The following ENPP4 variants were observed in gnomAD, a reference collection of about 807,000 sequenced individuals.
ENPP4 encodes bis(5'-adenosyl)-triphosphatase ENPP4.
ENPP4 carries 18 observed loss-of-function variants against 33.4 expected under a neutral mutation model. The observed-to-expected ratio is 0.54, with a 90% confidence interval of 0.37 to 0.80. ENPP4 has a LOEUF of 0.80. ENPP4 is among the 30% of genes least tolerant of loss of function. The pLI, the probability that ENPP4 is intolerant of heterozygous loss-of-function variation, is 0.00. For missense variants in ENPP4, 480 were observed against 541.7 expected (o/e 0.89, Z 1.13); for synonymous variants, 172 against 189.9 (o/e 0.91, Z 0.78).
intron 1 of ENPP4, among the ~76,000 whole-genome samples, chr6:46,130,777 A>G (rs1763883163): frequency 6.6e-6 from 1 of 152,222 alleles, no homozygotes; most frequent in African/African-American, 2.4e-5. Flanking sequence ...ATGAGATCAT[A>G]GCATTCCCAT....
rs770457961 is a variant in ENPP4, at chr6:46,145,711, A to G, written c.*2071A>G. On this transcript the variant is annotated 3_prime_UTR_variant, in exon 4 of 4. Transcript: ENST00000321037. ...GGATTTTATATAGGATGGAACAGGA[A>G]GGTATGTCCTGTCAGTATCTTAACC... 1.1e-4 allele frequency: 16 copies of G among 151,984 alleles called. No homozygotes were observed. Among genetic ancestry groups the G allele is most frequent in the Admixed American group, 5.3e-4 (8 of 15,218 alleles). The allele number at this position is 151,984 out of a possible 1,614,324, so 9.4% of individuals were successfully genotyped here.
chr6:46,132,002 G>GTTGT (rs1554170565), intron 1 of ENPP4, among the ~76,000 whole-genome samples: 5 of 150,250 alleles, frequency 3.3e-5, no homozygotes, highest in East Asian at 1.9e-4. Flanking sequence ...TTTTGATGGG[G>GTTGT]TTGTTTTTTT....
chr6:46,140,225 C>T lies in ENPP4; in HGVS notation c.642C>T (p.Ile214=), dbSNP rs138819051. 25 of 1,612,442 alleles carry T rather than the reference C, an allele frequency of 1.6e-5. No homozygotes were observed. The highest frequency in any genetic ancestry group is 6.7e-5 in the Admixed American group (4 of 59,798). ...SRVLKKIDDL[I]GDLVQRLKML... is the part of the protein sequence containing the mutation. ...TGTTGAAAAAAATAGATGATCTTAT[C>T]GGTGACTTAGTCCAAAGACTCAAGA... The change falls in exon 2 of 4, where the codon ATC becomes ATT. Residue 214 remains isoleucine (I), a synonymous_variant. Coordinates refer to ENST00000321037, the MANE Select transcript of ENPP4 (RefSeq NM_014936.5).
In ENPP4 at chr6:46,145,813, A is replaced by G. The variant is rs1461101071; in HGVS notation, c.*2173A>G. 2.6e-5 allele frequency: 4 copies of G among 151,886 alleles called. No homozygotes were observed. The highest frequency in any genetic ancestry group is 2.6e-4 in the Admixed American group (4 of 15,204). 9.4% of individuals were successfully genotyped at this position (151,886 alleles called of 1,614,324 possible). ...AACTCGAATTGTAAATTAAGCAAAA[A>G]TTTAAAAAGTATATGTTGATGGGAC... On this transcript the variant is annotated 3_prime_UTR_variant, in exon 4 of 4. Coordinates refer to ENST00000321037, the MANE Select transcript of ENPP4 (RefSeq NM_014936.5).
chr6:46,143,283 C>A lies in ENPP4; in HGVS notation c.1005C>A (p.Asp335Glu). ...TGTTTTGTTCTTTTTCAGTAGGTGACCATGGTTATGATAATTCTTTGCCTA... is the reference window on the plus strand; with the variant it reads ...TGTTTTGTTCTTTTTCAGTAGGTGAACATGGTTATGATAATTCTTTGCCTA... ...VLNESSQKLG[D>E]HGYDNSLPSM... The change falls in exon 4 of 4, where the codon GAC (aspartate) becomes GAA (glutamate). Residue 335 changes from aspartate (D) to glutamate (E), a missense_variant. Physicochemically the swap from Asp to Glu is conservative, Grantham distance 45. This residue lies in a region of ENPP4 where 249 missense variants were observed against 251.8 expected (regional missense o/e 0.99). Transcript: ENST00000321037. 2 of 1,572,682 alleles carry A rather than the reference C, an allele frequency of 1.3e-6. No individual in the cohort carries two copies. Among genetic ancestry groups the A allele is most frequent in the South Asian group, 1.2e-5 (1 of 85,146 alleles).
intron 1 of ENPP4, among the ~76,000 whole-genome samples, chr6:46,131,158 T>A (rs1036160408): frequency 1.3e-5 from 2 of 151,826 alleles, no homozygotes; most frequent in East Asian, 1.9e-4. Context: ...TTTATTTATT[T>A]ATTAATTATT....
At chr6:46,141,510 A>G (rs1764062306) in intron 3 of ENPP4, among the ~76,000 whole-genome samples, 4 of 151,668 alleles carry the variant, frequency 2.6e-5, no homozygotes, top group Admixed American at 6.6e-5. Context: ...TTTATACAAA[A>G]TAGAGAAGTA....
At chr6:46,132,016 G>A (rs1306751259) in intron 1 of ENPP4, among the ~76,000 whole-genome samples, 2 of 151,988 alleles carry the variant, frequency 1.3e-5, no homozygotes, top group East Asian at 3.9e-4. Context: ...TTTTTTTCTT[G>A]TAAATTTGTT....
chr6:46,142,323 ATATAT>A (rs928374363), intron 3 of ENPP4, among the ~76,000 whole-genome samples: 1 of 54,956 alleles, frequency 1.8e-5, no homozygotes, highest in African/African-American at 5.7e-5. Context: ...TCTATATTAT[ATATAT>A]TATATGTAAT....
intron 3 of ENPP4, 41 bp from the exon 4 acceptor site, chr6:46,143,235 A>T: frequency 6.6e-7 from 1 of 1,516,612 alleles, no homozygotes; most frequent in Non-Finnish European, 8.8e-7. Context: ...TGTCCTAAAA[A>T]GTCTGATCTT....
intron 1 of ENPP4, among the ~76,000 whole-genome samples, chr6:46,137,941 A>G (rs2127492359): frequency 6.6e-6 from 1 of 151,870 alleles, no homozygotes; most frequent in East Asian, 1.9e-4. Context: ...TTTGAAAGAA[A>G]GAGAGAAAGT....
At chr6:46,138,762 GT>G (rs1408267031) in intron 1 of ENPP4, among the ~76,000 whole-genome samples, 1 of 151,888 alleles carries the variant, frequency 6.6e-6, no homozygotes, top group Non-Finnish European at 1.5e-5. Flanking sequence ...GGGAAAAGCT[GT>G]TTTTGTCATC....
rs1335988820 is a variant in ENPP4, at chr6:46,145,866, CAT to C, written c.*2231_*2232del. ...GAAGAATAGTATTTATTTAATAAAA[CAT>C]ATATTATATTGAACTATGTGTTAAT... On this transcript the variant is annotated 3_prime_UTR_variant, in exon 4 of 4. Coordinates refer to ENST00000321037, the MANE Select transcript of ENPP4 (RefSeq NM_014936.5). 2.6e-5 allele frequency: 4 copies of C among 151,924 alleles called. No homozygotes were observed. The highest frequency in any genetic ancestry group is 7.2e-5 in the African/African-American group (3 of 41,510). 9.4% of individuals were successfully genotyped at this position (151,924 alleles called of 1,614,324 possible).
In ENPP4 at chr6:46,143,407, A is replaced by G; in HGVS notation, c.1129A>G (p.Ile377Val). The G allele has an allele frequency of 6.2e-7, 1 of 1,612,784 alleles. No homozygotes were observed. Among genetic ancestry groups the G allele is most frequent in the South Asian group, 1.1e-5 (1 of 91,056 alleles). Residue 377 changes from isoleucine to valine, a missense_variant, in exon 4 of 4, where the codon ATC becomes GTC. Transcript: ENST00000321037. ...IVDIYPMMCHILGLKPHPNNG... is the reference protein window; with the variant it reads ...IVDIYPMMCHVLGLKPHPNNG... The stretch of plus-strand genomic sequence containing the variant: ...GGATATTTATCCAATGATGTGCCAC[A>G]TCCTGGGATTAAAACCACATCCCAA...
intron 1 of ENPP4, among the ~76,000 whole-genome samples, chr6:46,134,351 A>G (rs1297415589): frequency 6.6e-6 from 1 of 152,098 alleles, no homozygotes; most frequent in Admixed American, 6.6e-5. Context: ...CTTTGTCTGT[A>G]CTACTTATCC....
rs1056087004 is a variant in ENPP4 at position 46,144,849 on chromosome 6, A to G, written c.*1209A>G. ...TAAGTGGCAGAATAGCCTTAGTGCT[A>G]CCTCCACTTTTTTCTCCAGTATTTG... On this transcript the variant is annotated 3_prime_UTR_variant, in exon 4 of 4. Coordinates refer to ENST00000321037, the MANE Select transcript of ENPP4 (RefSeq NM_014936.5). 1 of 394,636 alleles carries G rather than the reference A, an allele frequency of 2.5e-6. No homozygotes were observed. Among genetic ancestry groups the G allele is most frequent in the Non-Finnish European group, 4.5e-6 (1 of 223,116 alleles). 24.4% of individuals were successfully genotyped at this position (394,636 alleles called of 1,614,324 possible). A position where few individuals can be genotyped will look rare whatever the true frequency, so the allele number is the denominator to read the frequency against.
Position 46,140,087 on chromosome 6 carries a change from T to G in ENPP4, c.504T>G (p.Thr168=). 1.2e-6 allele frequency: 2 copies of G among 1,612,660 alleles called. No individual in the cohort carries two copies. Among genetic ancestry groups the G allele is most frequent in the Middle Eastern group, 1.7e-4 (1 of 6,056 alleles). Residue 168 remains threonine (T), a synonymous_variant, in exon 2 of 4, where the codon ACT becomes ACG. Coordinates refer to ENST00000321037, the MANE Select transcript of ENPP4 (RefSeq NM_014936.5). ...TTGAGGAAAGACTAAATAATATTAC[T>G]ATGTGGCTAAACAATTCGAACCCAC... The part of the protein sequence containing the change: ...VSFEERLNNI[T]MWLNNSNPPV...
At chr6:46,134,455 T>C (rs759792561) in intron 1 of ENPP4, among the ~76,000 whole-genome samples, 13 of 152,172 alleles carry the variant, frequency 8.5e-5, no homozygotes, top group Non-Finnish European at 1.3e-4. Flanking sequence ...AGCATCCTTT[T>C]AACTCAAGAT....
At chr6:46,142,371 T>C (rs549601685) in intron 3 of ENPP4, among the ~76,000 whole-genome samples, 2 of 147,076 alleles carry the variant, frequency 1.4e-5, no homozygotes, top group South Asian at 2.1e-4. Context: ...ATATATATAA[T>C]GTATATTATA....
Sources: gnomAD v4.1 joint callset for allele counts (sites outside exome capture counted in the v4.1 genomes callset) on GRCh38, gnomAD v4.1.1 for gene constraint, gnomAD v4.1.1 regional missense constraint, MANE v1.5 for transcripts, NCBI Gene and HGNC (gene_info 2026-07-23, HGNC 2026-07-21) for gene names.